CRTAC1: variants seen among roughly 807,000 people sequenced by gnomAD.
The protein encoded by CRTAC1 is cartilage acidic protein 1, also known as acidic secreted protein in cartilage.
Under a neutral mutation model 67.8 loss-of-function variants are expected in CRTAC1, and 37 were observed. The ratio of observed to expected loss-of-function variants is 0.55; its 90% confidence interval spans 0.42 to 0.72. The LOEUF is 0.72. Among genes scored for constraint, CRTAC1 ranks in the 30% least tolerant of loss-of-function variants. The pLI, the probability that CRTAC1 is intolerant of heterozygous loss-of-function variation, is 0.00. For synonymous variants in CRTAC1, 348 were observed against 371.0 expected, an observed-to-expected ratio of 0.94 and a Z score of 0.71; for missense variants, 780 against 931.6, an observed-to-expected ratio of 0.84 and a Z score of 2.12.
chr10:97,969,740 C>T (rs2051677753), intron 2 of CRTAC1, among the ~76,000 whole-genome samples: 1 of 152,120 alleles, frequency 6.6e-6, no homozygotes, highest in African/African-American at 2.4e-5. Context: ...GACCTACTCC[C>T]AGCTTGGTAA....
chr10:97,897,088 T>G, intron 8 of CRTAC1, 97 bp from the exon 9 acceptor site: 3 of 847,092 alleles, frequency 3.5e-6, no homozygotes, highest in Non-Finnish European at 5.5e-6. Context: ...CATCCCCGGG[T>G]CCCAATGTGC....
At chr10:97,968,259 T>C (rs1200707198) in intron 2 of CRTAC1, among the ~76,000 whole-genome samples, 1 of 152,174 alleles carries the variant, frequency 6.6e-6, no homozygotes, top group Non-Finnish European at 1.5e-5. Flanking sequence ...TTTTGTTTTT[T>C]TGAGGCAGAG....
intron 1 of CRTAC1, among the ~76,000 whole-genome samples, chr10:98,020,603 G>A (rs1843096696): frequency 6.6e-6 from 1 of 152,218 alleles, no homozygotes; most frequent in Non-Finnish European, 1.5e-5. Context: ...ACAGTGAAAG[G>A]AGCAACCACC....
At chr10:97,910,845 C>G (rs1251808449) in intron 5 of CRTAC1, among the ~76,000 whole-genome samples, 3 of 152,194 alleles carry the variant, frequency 2.0e-5, no homozygotes, top group African/African-American at 7.2e-5. Flanking sequence ...ACATTCTGGG[C>G]TGGATGCCTC....
At chr10:97,920,479 CT>C (rs2050820678) in intron 4 of CRTAC1, among the ~76,000 whole-genome samples, 1 of 151,858 alleles carries the variant, frequency 6.6e-6, no homozygotes, top group Non-Finnish European at 1.5e-5. Flanking sequence ...TCAGAATCAC[CT>C]GGGGGGCTTG....
intron 2 of CRTAC1, among the ~76,000 whole-genome samples, chr10:97,971,918 C>T (rs999743910): frequency 6.6e-6 from 1 of 152,170 alleles, no homozygotes; most frequent in Non-Finnish European, 1.5e-5. Flanking sequence ...AGAGGAAACG[C>T]AGGGGAGCTG....
intron 14 of CRTAC1, among the ~76,000 whole-genome samples, chr10:97,877,024 A>G (rs1476906000): frequency 8.2e-6 from 1 of 121,714 alleles, no homozygotes; most frequent in East Asian, 2.4e-4. Context: ...TGTCCTCTGT[A>G]TCTTTCAGCC....
At chr10:97,963,049 CTG>C (rs2051553972) in intron 2 of CRTAC1, among the ~76,000 whole-genome samples, 1 of 152,068 alleles carries the variant, frequency 6.6e-6, no homozygotes, top group Admixed American at 6.5e-5. Flanking sequence ...CCCCCATAGA[CTG>C]TTGGCTAGCA....
intron 2 of CRTAC1, among the ~76,000 whole-genome samples, chr10:97,963,150 T>C (rs1020241471): frequency 6.6e-6 from 1 of 152,044 alleles, no homozygotes; most frequent in African/African-American, 2.4e-5. Context: ...CTTGGGTCCT[T>C]TGTCATCATT....
rs529521877 is a variant in CRTAC1 at position 97,938,761 on chromosome 10, A to G, written c.225-2395T>C. On this transcript the variant is annotated intron_variant, in intron 2 of 14. Coordinates refer to ENST00000370597, the MANE Select transcript of CRTAC1 (RefSeq NM_018058.7). The stretch of plus-strand genomic sequence containing the variant: ...TCATCCTTGGGCTCATTTGCCAGAG[A>G]TGAGGTTGGTGGCCTTGGGCTGGTC... 2.0e-5 allele frequency among the ~76,000 whole-genome samples: 3 copies of G among 152,264 alleles called. No homozygotes were observed. In the East Asian group the frequency reaches 5.8e-4, roughly 29 times the overall value.
At chr10:97,923,509 G>A in intron 3 of CRTAC1, 109 bp from the exon 4 acceptor site, 1 of 1,385,430 alleles carries the variant, frequency 7.2e-7, no homozygotes, top group Non-Finnish European at 1.0e-6. Context: ...GACCAGAGGA[G>A]GTTGGGTCAT....
At chr10:97,952,068 C>G (rs574636556) in intron 2 of CRTAC1, among the ~76,000 whole-genome samples, 2 of 152,226 alleles carry the variant, frequency 1.3e-5, no homozygotes, top group African/African-American at 4.8e-5. Flanking sequence ...AATGCAAATT[C>G]CACCCTGGGC....
chr10:97,930,232 G>A (rs1478989059), intron 3 of CRTAC1, among the ~76,000 whole-genome samples: 1 of 152,252 alleles, frequency 6.6e-6, no homozygotes, highest in East Asian at 1.9e-4. Flanking sequence ...AAAGAGCTGA[G>A]GTTGCTCGTA....
chr10:97,900,712 TTC>T, intron 8 of CRTAC1, among the ~76,000 whole-genome samples: 2 of 129,328 alleles, frequency 1.5e-5, no homozygotes, highest in African/African-American at 6.6e-5. Flanking sequence ...GTAGCCCCTT[TTC>T]CTGGTAGTGA....
intron 11 of CRTAC1, among the ~76,000 whole-genome samples, chr10:97,891,086 C>T (rs183849180): frequency 2.2e-3 from 329 of 152,226 alleles, no homozygotes; most frequent in African/African-American, 7.2e-3. Flanking sequence ...TGGCAAGGAT[C>T]TTCAGTTTTA....
In CRTAC1 at chr10:97,884,192, A is replaced by G. The variant is rs1371532325; in HGVS notation, c.1632+14T>C. The G allele has an allele frequency of 3.2e-6, 5 of 1,560,216 alleles. No individual in the cohort carries two copies. The highest frequency in any genetic ancestry group is 1.2e-5 in the South Asian group (1 of 84,790). ...CCGCTTTTCTGGCTATGAGGCCCAGATGCCTTTGCCCACCTCCAGTGGGGC... is the reference window on the plus strand; with the variant it reads ...CCGCTTTTCTGGCTATGAGGCCCAGGTGCCTTTGCCCACCTCCAGTGGGGC... On this transcript the variant is annotated intron_variant, in intron 12 of 14. Coordinates refer to ENST00000370597, the MANE Select transcript of CRTAC1 (RefSeq NM_018058.7).
chr10:97,884,462 G>A, intron 11 of CRTAC1, 111 bp from the exon 12 acceptor site: 1 of 1,008,146 alleles, frequency 9.9e-7, no homozygotes, highest in South Asian at 1.6e-5. Context: ...ATTGAGCACT[G>A]TTCTAAGTGC....
chr10:97,977,220 G>A (rs527743789), intron 2 of CRTAC1, among the ~76,000 whole-genome samples: 10 of 152,326 alleles, frequency 6.6e-5, no homozygotes, highest in Admixed American at 6.5e-4. Context: ...CCTCCACTCA[G>A]GCATCTTTTG....
intron 11 of CRTAC1, among the ~76,000 whole-genome samples, chr10:97,885,630 G>T (rs2050272115): frequency 6.6e-6 from 1 of 152,218 alleles, no homozygotes; most frequent in Non-Finnish European, 1.5e-5. Context: ...CAGGCTAATG[G>T]TGATGGATTG....
Sources: gnomAD v4.1 joint callset for allele counts (sites outside exome capture counted in the v4.1 genomes callset) on GRCh38, gnomAD v4.1.1 for gene constraint, MANE v1.5 for transcripts, NCBI Gene and HGNC (gene_info 2026-07-23, HGNC 2026-07-21) for gene names.